MSRA: variants seen among roughly 807,000 people sequenced by gnomAD.
MSRA encodes mitochondrial peptide methionine sulfoxide reductase.
Under a neutral mutation model 31.3 loss-of-function variants are expected in MSRA, and 54 were observed. The observed-to-expected ratio is 1.73, with a 90% CI of 1.39 to 2.17. MSRA has a LOEUF of 2.17. Among genes scored for constraint, MSRA ranks in the 30% most tolerant of loss-of-function variants. MSRA has a pLI of 0.00. For missense variants in MSRA, 507 were observed against 300.9 expected, an observed-to-expected ratio of 1.69 and a Z score of -5.07; for synonymous variants, 169 against 116.5, an observed-to-expected ratio of 1.45 and a Z score of -2.90.
intron 4 of MSRA, among the ~76,000 whole-genome samples, chr8:10,315,243 G>T (rs1204265870): frequency 2.0e-5 from 3 of 152,172 alleles, no homozygotes; most frequent in East Asian, 3.9e-4. Context: ...TTTGGGAGGG[G>T]ACACAGTCAA....
At chr8:10,163,776 C>T (rs1035966483) in intron 1 of MSRA, among the ~76,000 whole-genome samples, 1 of 152,198 alleles carries the variant, frequency 6.6e-6, no homozygotes, top group Non-Finnish European at 1.5e-5. Flanking sequence ...GGGGTAAGAC[C>T]CTCCAAGGGG....
chr8:10,178,554 A>C (rs1806264556), intron 1 of MSRA, among the ~76,000 whole-genome samples: 1 of 152,272 alleles, frequency 6.6e-6, no homozygotes, highest in Admixed American at 6.5e-5. Flanking sequence ...TTATAAGTGC[A>C]GCGATGAAGA....
intron 5 of MSRA, among the ~76,000 whole-genome samples, chr8:10,369,968 C>G (rs1334063686): frequency 6.6e-6 from 1 of 152,196 alleles, no homozygotes. Context: ...AACATCAAAT[C>G]CTTGATGGAC....
intron 4 of MSRA, among the ~76,000 whole-genome samples, chr8:10,304,015 AC>A (rs1800992199): frequency 6.6e-6 from 1 of 152,038 alleles, no homozygotes; most frequent in Non-Finnish European, 1.5e-5. Flanking sequence ...GTCTCACTGA[AC>A]CCTCCACCTC....
At chr8:10,100,914 C>G (rs1799490770) in intron 1 of MSRA, among the ~76,000 whole-genome samples, 1 of 152,022 alleles carries the variant, frequency 6.6e-6, no homozygotes, top group Non-Finnish European at 1.5e-5. Context: ...AAGAATTAGT[C>G]CCTCTGGAGT....
At chr8:10,374,261 G>C (rs775255852) in intron 5 of MSRA, among the ~76,000 whole-genome samples, 1 of 152,196 alleles carries the variant, frequency 6.6e-6, no homozygotes, top group African/African-American at 2.4e-5. Context: ...TATGGACAGA[G>C]ATATTAGAGG....
intron 1 of MSRA, among the ~76,000 whole-genome samples, chr8:10,176,049 ATTAC>A (rs1161730986): frequency 2.6e-5 from 4 of 152,202 alleles, no homozygotes; most frequent in African/African-American, 9.6e-5. Context: ...TTGAATGGTA[ATTAC>A]TTACTCTGTT....
At chr8:10,105,914 C>T (rs975156852) in intron 1 of MSRA, among the ~76,000 whole-genome samples, 3 of 152,186 alleles carry the variant, frequency 2.0e-5, no homozygotes, top group Non-Finnish European at 2.9e-5. Context: ...ACCAGGAGGA[C>T]CAGGCGGCTG....
intron 3 of MSRA, among the ~76,000 whole-genome samples, chr8:10,263,617 C>T (rs756381345): frequency 3.9e-5 from 6 of 152,146 alleles, no homozygotes; most frequent in South Asian, 2.1e-4. Context: ...TCACTGCCAC[C>T]GATGTGAAAC....
At chr8:10,153,441 C>A (rs1193726880) in intron 1 of MSRA, among the ~76,000 whole-genome samples, 1 of 152,142 alleles carries the variant, frequency 6.6e-6, no homozygotes, top group African/African-American at 2.4e-5. Flanking sequence ...ATTTTTACTC[C>A]CTCACATTTG....
At chr8:10,094,257 G>A (rs1799006450) in intron 1 of MSRA, among the ~76,000 whole-genome samples, 1 of 152,138 alleles carries the variant, frequency 6.6e-6, no homozygotes, top group African/African-American at 2.4e-5. Context: ...TTACTTAATA[G>A]AATTTCAGAT....
At chr8:10,189,871 T>G (rs917384044) in intron 1 of MSRA, among the ~76,000 whole-genome samples, 2 of 152,226 alleles carry the variant, frequency 1.3e-5, no homozygotes, top group African/African-American at 4.8e-5. Context: ...TTCCTCTTTT[T>G]TCAAGGCGTT....
At chr8:10,140,656 G>T (rs143176610) in intron 1 of MSRA, among the ~76,000 whole-genome samples, 5 of 152,286 alleles carry the variant, frequency 3.3e-5, no homozygotes, top group Non-Finnish European at 7.4e-5. Flanking sequence ...TTTTTCTGCA[G>T]CAGGGATGGA....
chr8:10,166,442 T>C (rs986502525), intron 1 of MSRA, among the ~76,000 whole-genome samples: 2 of 152,128 alleles, frequency 1.3e-5, no homozygotes, highest in Non-Finnish European at 2.9e-5. Flanking sequence ...GTGTATGCAT[T>C]TGTGTGACTA....
At chr8:10,412,098 G>A (rs545444001) in intron 5 of MSRA, among the ~76,000 whole-genome samples, 9 of 152,332 alleles carry the variant, frequency 5.9e-5, no homozygotes, top group Middle Eastern at 3.4e-3. Flanking sequence ...GGCAAGGGCC[G>A]TATTAACATT....
intron 1 of MSRA, among the ~76,000 whole-genome samples, chr8:10,177,692 A>G (rs766273036): frequency 6.6e-6 from 1 of 152,318 alleles, no homozygotes; most frequent in Middle Eastern, 3.4e-3. Context: ...CTCAGCTTAC[A>G]TCTGGTTATT....
intron 5 of MSRA, among the ~76,000 whole-genome samples, chr8:10,348,002 A>C (rs1210451871): frequency 1.3e-5 from 2 of 152,214 alleles, no homozygotes; most frequent in Admixed American, 6.5e-5. Flanking sequence ...TGCCATTTAT[A>C]GAGTAGGCAC....
intron 5 of MSRA, among the ~76,000 whole-genome samples, chr8:10,362,410 T>C (rs1804901381): frequency 6.7e-6 from 1 of 149,756 alleles, no homozygotes; most frequent in Admixed American, 6.7e-5. Context: ...TTGATACAAA[T>C]TTAACTACAG....
At chr8:10,125,593 G>C (rs1032153775) in intron 1 of MSRA, among the ~76,000 whole-genome samples, 15 of 152,184 alleles carry the variant, frequency 9.9e-5, no homozygotes, top group Non-Finnish European at 1.5e-5. Flanking sequence ...GGGCTAAGGA[G>C]CTTGAACCTG....
Sources: allele counts gnomAD v4.1 joint callset (sites outside exome capture counted in the v4.1 genomes callset), GRCh38; gene constraint gnomAD v4.1.1; transcripts MANE v1.5; gene names NCBI Gene and HGNC (gene_info 2026-07-23, HGNC 2026-07-21).